The following PCDHA11 variants were observed in gnomAD, a reference collection of about 807,000 sequenced individuals.
The protein encoded by PCDHA11 is protocadherin alpha 11, also known as protocadherin alpha-11.
Under a neutral mutation model 70.3 loss-of-function variants are expected in PCDHA11, and 61 were observed. That is an observed-to-expected ratio of 0.87 (90% confidence interval 0.71 to 1.07). The LOEUF (loss-of-function observed/expected upper bound fraction) is 1.07. Ranked by LOEUF, PCDHA11 falls within the 50% of genes least tolerant of loss-of-function variation. PCDHA11 has a pLI of 0.00. For missense variants in PCDHA11, 1,324 were observed against 1,237.5 expected (o/e 1.07, Z -1.05); for synonymous variants, 633 against 555.1 (o/e 1.14, Z -1.97).
chr5:140,883,649 A>T, intron 1 of PCDHA11: 1 of 1,613,516 alleles, frequency 6.2e-7, no homozygotes, highest in South Asian at 1.1e-5. Context: ...GCCCGAGTAC[A>T]CGGTGTTCGT....
At position 140,969,169 on chromosome 5, in the gene PCDHA11, A is replaced by G. The variant is rs201735192; in HGVS notation, c.2392-9780A>G. 2.0e-5 allele frequency: 33 copies of G among 1,614,094 alleles called. No homozygotes were observed. In the Admixed American group the frequency reaches 5.5e-4, roughly 27 times the overall value. On this transcript the variant is annotated intron_variant, in intron 1 of 3. Transcript: ENST00000398640. The stretch of plus-strand genomic sequence containing the variant: ...ACAAGGCCTGTCTGACAGCAGGCTC[A>G]GGGAGTGACACTTTCATGTTTTACA...
rs547015879 is a variant in PCDHA11 at position 140,902,341 on chromosome 5, G to A, written c.2391+30847G>A. 1.8e-3 allele frequency among the ~76,000 whole-genome samples: 276 copies of A among 151,446 alleles called. 1 individual carries two copies. The highest frequency in any genetic ancestry group is 3.7e-3 in the Non-Finnish European group (250 of 67,812). The stretch of plus-strand genomic sequence containing the variant: ...GTGTAACTCACTTCGCCTGGCCTAG[G>A]AAGCCCTTTATTTCTTTCTCTTGTC... On this transcript the variant is annotated intron_variant, in intron 1 of 3. Transcript: ENST00000398640.
In PCDHA11 at chr5:140,959,652, T is replaced by C. The variant is rs538144488; in HGVS notation, c.2392-19297T>C. 1.3e-4 allele frequency among the ~76,000 whole-genome samples: 20 copies of C among 152,234 alleles called. No individual in the cohort carries two copies. In the South Asian group the frequency reaches 4.2e-3, roughly 32 times the overall value. On this transcript the variant is annotated intron_variant, in intron 1 of 3. Transcript: ENST00000398640. ...AGAGAGAAAAAACACAGAAGCAAAATTGAAGAATTTGTAAATCATTTCTAA... is the reference window on the plus strand; with the variant it reads ...AGAGAGAAAAAACACAGAAGCAAAACTGAAGAATTTGTAAATCATTTCTAA...
chr5:141,006,383 T>C (rs1431976303), intron 3 of PCDHA11, among the ~76,000 whole-genome samples: 1 of 151,992 alleles, frequency 6.6e-6, no homozygotes, highest in African/African-American at 2.4e-5. Context: ...GGCTAAGTTT[T>C]TTCTATTTTT....
chr5:140,949,679 T>A (rs246046), intron 1 of PCDHA11, among the ~76,000 whole-genome samples: 85,531 of 151,538 alleles, frequency 0.56, 24,739 homozygotes, highest in African/African-American at 0.69. Context: ...ATGCCCTTGT[T>A]GAAGCGTATT....
At chr5:140,998,903 G>A (rs1465203456) in intron 3 of PCDHA11, among the ~76,000 whole-genome samples, 9 of 152,156 alleles carry the variant, frequency 5.9e-5, no homozygotes, top group African/African-American at 1.7e-4. Flanking sequence ...CAATGCCTCC[G>A]GGAGGTAGCT....
chr5:140,949,714 T>A (rs2094416715), intron 1 of PCDHA11, among the ~76,000 whole-genome samples: 1 of 151,848 alleles, frequency 6.6e-6, no homozygotes, highest in South Asian at 2.1e-4. Flanking sequence ...TTTTACCCAT[T>A]TTGATAATAT....
rs199976895 is a variant in PCDHA11 at position 140,968,276 on chromosome 5, G to T, written c.2392-10673G>T. The T allele has an allele frequency of 9.2e-5, 148 of 1,613,952 alleles. No homozygotes were observed. Among genetic ancestry groups the T allele is most frequent in the Admixed American group, 5.5e-4 (33 of 60,008 alleles). On this transcript the variant is annotated intron_variant, in intron 1 of 3. Transcript: ENST00000398640. ...CCCAGATGAAAAGGAGAATGCAGAGGTGACCTACTCCCTTCTGGAGAGGGA... is the reference window on the plus strand; with the variant it reads ...CCCAGATGAAAAGGAGAATGCAGAGTTGACCTACTCCCTTCTGGAGAGGGA...
rs781820550 is a variant in PCDHA11, at chr5:140,869,927, G to A, written c.824G>A (p.Gly275Glu). 14 of 1,611,538 alleles carry A rather than the reference G, an allele frequency of 8.7e-6. No individual in the cohort carries two copies. The East Asian group carries it at 2.5e-4, about 28-fold the overall frequency. The change falls in exon 1 of 4, where the codon GGA (glycine) becomes GAA (glutamate). Residue 275 changes from glycine to glutamate, a missense_variant. By Grantham distance (98) the Gly-to-Glu change is moderately conservative. Coordinates refer to ENST00000398640, the MANE Select transcript of PCDHA11 (RefSeq NM_018902.5). ...NATDRDEGVN[G>E]EVTYSLMSIK... ...ACAGACCGAGACGAAGGAGTCAATG[G>A]AGAGGTAACATACTCCTTAATGTCA...
rs374326542 is a variant in PCDHA11, at chr5:140,927,218, A to G, written c.2392-51731A>G. The G allele has an allele frequency of 2.5e-6, 4 of 1,613,972 alleles. No individual in the cohort carries two copies. The African/African-American group carries it at 5.3e-5, about 22-fold the overall frequency. On this transcript the variant is annotated intron_variant, in intron 1 of 3. Coordinates refer to ENST00000398640, the MANE Select transcript of PCDHA11 (RefSeq NM_018902.5). ...CTCGAGGACCCGCTGGAGCTGCACA[A>G]GATTCGGATTCACGTCCTGGACACC...
In PCDHA11 at chr5:140,902,128, A is replaced by G. The variant is rs140093707; in HGVS notation, c.2391+30634A>G. 5.8e-3 allele frequency among the ~76,000 whole-genome samples: 872 copies of G among 150,980 alleles called. 10 individuals carry two copies. The highest frequency in any genetic ancestry group is 0.019 in the African/African-American group (793 of 41,220). ...ATTTTTTTAAAACTGAGATTATATCATCTGCAAACAAGGATAATTTGATTT... is the reference window on the plus strand; with the variant it reads ...ATTTTTTTAAAACTGAGATTATATCGTCTGCAAACAAGGATAATTTGATTT... On this transcript the variant is annotated intron_variant, in intron 1 of 3. Coordinates refer to ENST00000398640, the MANE Select transcript of PCDHA11 (RefSeq NM_018902.5).
At chr5:140,931,817 C>A (rs2087768963) in intron 1 of PCDHA11, among the ~76,000 whole-genome samples, 1 of 151,876 alleles carries the variant, frequency 6.6e-6, no homozygotes, top group Non-Finnish European at 1.5e-5. Context: ...GAAAAGAATT[C>A]TTGTCATAGT....
intron 1 of PCDHA11, chr5:140,882,310 A>G (rs2059059274): frequency 6.2e-7 from 1 of 1,613,930 alleles, no homozygotes; most frequent in Non-Finnish European, 8.5e-7. Context: ...CGCGGCAACT[A>G]CTGCTCTGGC....
At chr5:140,983,822 T>C (rs1453990514) in intron 3 of PCDHA11, among the ~76,000 whole-genome samples, 2 of 152,216 alleles carry the variant, frequency 1.3e-5, no homozygotes, top group Non-Finnish European at 2.9e-5. Flanking sequence ...TTCCCAAAAA[T>C]AATCAGATGC....
chr5:140,882,420 A>C, intron 1 of PCDHA11: 1 of 1,614,046 alleles, frequency 6.2e-7, no homozygotes, highest in East Asian at 2.2e-5. Context: ...ATCGCTCAGG[A>C]CCTGGGGCTG....
Position 140,883,341 on chromosome 5 carries a change from C to A in PCDHA11, c.2391+11847C>A, listed in dbSNP as rs144000682. The A allele has an allele frequency of 4.3e-5, 70 of 1,614,144 alleles. No homozygotes were observed. The African/African-American group carries it at 9.1e-4, about 21-fold the overall frequency. The stretch of plus-strand genomic sequence containing the variant: ...GTTACCATCACTTCTTTGTCACTCC[C>A]CATCAGAGAAGACACTCAGCCTAGC... On this transcript the variant is annotated intron_variant, in intron 1 of 3. Transcript: ENST00000398640.
Position 140,870,161 on chromosome 5 carries a change from CCTT to C in PCDHA11, c.1059_1061del (p.Leu354del). On this transcript the variant is annotated inframe_deletion, in exon 1 of 4. Transcript: ENST00000398640. The stretch of plus-strand genomic sequence containing the variant: ...AACTCTCCTGAAGTCGCCGTGACTT[CCTT>C]GTCCCTCCCAGTACGAGAGGACGCT... The C allele has an allele frequency of 1.2e-6, 2 of 1,614,124 alleles. No homozygotes were observed. Among genetic ancestry groups the C allele is most frequent in the Non-Finnish European group, 1.7e-6 (2 of 1,180,044 alleles).
At chr5:141,002,956 G>C (rs782632089) in intron 3 of PCDHA11, among the ~76,000 whole-genome samples, 6 of 152,230 alleles carry the variant, frequency 3.9e-5, no homozygotes, top group Non-Finnish European at 7.3e-5. Context: ...GCCCCTCTGA[G>C]AGCTTTCCTG....
chr5:140,966,986 C>G (rs1364396774), intron 1 of PCDHA11: 1 of 1,603,766 alleles, frequency 6.2e-7, no homozygotes, highest in African/African-American at 1.3e-5. Flanking sequence ...GCGCTTGGGG[C>G]CGGGTTGCTT....
Sources: gnomAD v4.1 joint callset for allele counts (sites outside exome capture counted in the v4.1 genomes callset) on GRCh38, gnomAD v4.1.1 for gene constraint, MANE v1.5 for transcripts, NCBI Gene and HGNC (gene_info 2026-07-23, HGNC 2026-07-21) for gene names.